The following L1CAM variants were observed in gnomAD, a reference collection of about 807,000 sequenced individuals.
L1CAM encodes the protein L1 cell adhesion molecule.
Under a neutral mutation model 93.0 loss-of-function variants are expected in L1CAM, and 8 were observed. The ratio of observed to expected loss-of-function variants is 0.09; its 90% CI spans 0.05 to 0.16. The LOEUF (loss-of-function observed/expected upper bound fraction) is 0.16. L1CAM is among the 10% of genes least tolerant of loss of function. The probability of loss-of-function intolerance (pLI) is 1.00; values close to 1 mark genes in which losing one functional copy is unlikely to be tolerated. For synonymous variants in L1CAM, 453 were observed against 453.0 expected (o/e 1.00, Z 0.00); for missense variants, 777 against 1,073.4 (o/e 0.72, Z 3.86).
rs1292605840 is a variant in L1CAM at position 153,869,288 on chromosome X, T to C, written c.1267+232A>G. The stretch of plus-strand genomic sequence containing the variant: ...CTGGGCTGGCCTTGGTCACATCCTG[T>C]GGCACAGCGGTCCGCTCAGTCACAG... On this transcript the variant is annotated intron_variant, in intron 11 of 28. Coordinates refer to ENST00000370060, the MANE Select transcript of L1CAM (RefSeq NM_001278116.2). The C allele has an allele frequency of 3.2e-5, 15 of 472,262 alleles. No homozygotes were observed. In the Admixed American group the frequency reaches 4.7e-4, roughly 15 times the overall value. 38.9% of individuals were successfully genotyped at this position (472,262 alleles called of 1,213,427 possible).
chrX:153,865,540 AC>A, intron 20 of L1CAM, 40 bp from the exon 21 acceptor site: 1 of 1,147,305 alleles, frequency 8.7e-7, no homozygotes, highest in Non-Finnish European at 1.2e-6. Flanking sequence ...GGCAGAAGGC[AC>A]CCAGCAGGGC....
At chrX:153,878,897 C>T (rs2064829346) in intron 1 of L1CAM, among the ~76,000 whole-genome samples, 1 of 110,755 alleles carries the variant, frequency 9.0e-6, no homozygotes, top group Non-Finnish European at 1.9e-5. Flanking sequence ...AGGCTCATAT[C>T]CAACTTCTTT....
In L1CAM at chrX:153,869,990, C is replaced by G. The variant is rs59055185; in HGVS notation, c.992-56G>C. ...CGCAGCCAGCAGCTGGCTCTTGACC[C>G]GGCGCAGACCCTCCCCTCCCCCATG... On this transcript the variant is annotated intron_variant, in intron 9 of 28. Transcript: ENST00000370060. The G allele has an allele frequency of 5.1e-4, 613 of 1,207,566 alleles. 2 individuals are homozygous for G. In the African/African-American group the frequency reaches 0.01, roughly 20 times the overall value.
At chrX:153,870,026 T>C in intron 9 of L1CAM, 30 bp downstream of exon 9, 1 of 1,208,674 alleles carries the variant, frequency 8.3e-7, no homozygotes, top group Non-Finnish European at 1.1e-6. Context: ...ACAGTGGGCA[T>C]CACAGGCCAC....
Position 153,875,771 on chromosome X carries a change from G to A in L1CAM, c.66C>T (p.Ile22=), listed in dbSNP as rs1557094388. 2 of 1,210,306 alleles carry A rather than the reference G, an allele frequency of 1.7e-6. No individual in the cohort carries two copies. Among genetic ancestry groups the A allele is most frequent in the South Asian group, 1.8e-5 (1 of 56,975 alleles). ...LLCSPCLLIQ[I]PEEYEGHHVM... ...CCTTCAGCTACTCACATTCCTCGGG[G>A]ATCTGGATAAGCAGGCAGGGGCTGC... The change falls in exon 2 of 29, where the codon ATC becomes ATT. Residue 22 remains isoleucine (I), a synonymous_variant. Coordinates refer to ENST00000370060, the MANE Select transcript of L1CAM (RefSeq NM_001278116.2).
intron 1 of L1CAM, among the ~76,000 whole-genome samples, chrX:153,882,189 A>G (rs1557095816): frequency 8.9e-6 from 1 of 111,959 alleles, no homozygotes; most frequent in Non-Finnish European, 1.9e-5. Context: ...AGGGGGACAC[A>G]GGAAGCCCGG....
At chrX:153,885,143 G>A (rs1330374968) in intron 1 of L1CAM, among the ~76,000 whole-genome samples, 14 of 113,181 alleles carry the variant, frequency 1.2e-4, no homozygotes, top group African/African-American at 3.8e-4. Flanking sequence ...ACCTGGAATG[G>A]AGGGAATAGG....
chrX:153,863,767 C>T (rs782631703), intron 26 of L1CAM, 116 bp downstream of exon 26: 21 of 1,053,563 alleles, frequency 2.0e-5, no homozygotes, highest in Non-Finnish European at 2.8e-5. Flanking sequence ...CCACCATGCG[C>T]CTGTCATCTT....
intron 25 of L1CAM, 33 bp from the exon 26 acceptor site, chrX:153,864,050 G>A (rs782710709): frequency 5.0e-6 from 6 of 1,208,598 alleles, no homozygotes; most frequent in East Asian, 5.9e-5. Flanking sequence ...CCGTGCTGCC[G>A]CCCAAGCCAG....
At chrX:153,867,583 A>G in intron 16 of L1CAM, 30 bp from the exon 17 acceptor site, 1 of 1,171,461 alleles carries the variant, frequency 8.5e-7, no homozygotes, top group South Asian at 1.8e-5. Context: ...CAATGGAGTG[A>G]TCAGCATGTG....
intron 1 of L1CAM, among the ~76,000 whole-genome samples, chrX:153,881,325 G>T (rs2064843928): frequency 8.9e-6 from 1 of 111,851 alleles, no homozygotes; most frequent in African/African-American, 3.3e-5. Context: ...GGGCGTGGTG[G>T]CTCCCTAAGC....
intron 1 of L1CAM, among the ~76,000 whole-genome samples, chrX:153,885,112 C>T (rs1442189315): frequency 7.1e-5 from 8 of 112,732 alleles, no homozygotes; most frequent in African/African-American, 2.6e-4. Flanking sequence ...TCCCTGCCAA[C>T]CAAGAGGCCC....
At chrX:153,885,925 G>A in intron 1 of L1CAM, 140 bp downstream of exon 1, 1 of 818,366 alleles carries the variant, frequency 1.2e-6, no homozygotes, top group Non-Finnish European at 1.5e-6. Context: ...GCATGGGTGG[G>A]GCTCCGGCAG....
At chrX:153,863,208 G>T (rs1408595786) in intron 28 of L1CAM, among the ~76,000 whole-genome samples, 160 bp downstream of exon 28, 2 of 111,810 alleles carry the variant, frequency 1.8e-5, no homozygotes, top group Non-Finnish European at 3.8e-5. Flanking sequence ...AGGGGCTGGG[G>T]CGTGTTGGCC....
At chrX:153,879,120 C>G (rs1197685373) in intron 1 of L1CAM, among the ~76,000 whole-genome samples, 2 of 111,263 alleles carry the variant, frequency 1.8e-5, no homozygotes, top group Non-Finnish European at 3.8e-5. Flanking sequence ...CTCTACCCCC[C>G]ACCAGCACCA....
At position 153,871,143 on chromosome X, in the gene L1CAM, A is replaced by T; in HGVS notation, c.437T>A (p.Val146Glu). ...CACTGACTCCCCTTCCTCCACCTCC[A>T]CGGGCTTCACTGTCTCCTTTGGCCA... ...PKWPKETVKP[V>E]EVEEGESVVL... The change falls in exon 6 of 29, where the codon GTG (valine) becomes GAG (glutamate). Residue 146 changes from valine (V) to glutamate (E), a missense_variant. Coordinates refer to ENST00000370060, the MANE Select transcript of L1CAM (RefSeq NM_001278116.2). 8.3e-7 allele frequency: 1 copy of T among 1,208,310 alleles called. No individual in the cohort carries two copies. The highest frequency in any genetic ancestry group is 3.0e-5 in the East Asian group (1 of 33,753).
chrX:153,883,515 CA>C (rs1484734182), intron 1 of L1CAM, among the ~76,000 whole-genome samples: 1 of 112,303 alleles, frequency 8.9e-6, no homozygotes, highest in African/African-American at 3.2e-5. Flanking sequence ...ACTGCAGGGG[CA>C]GGGATGCTGC....
chrX:153,866,639 G>C lies in L1CAM; in HGVS notation c.2431+10C>G. ...TCAACCGTGGGCGAGGGGCCCTGCC[G>C]GATACTCACAGTCCTCTCCAGAGTA... On this transcript the variant is annotated intron_variant, in intron 19 of 28. Coordinates refer to ENST00000370060, the MANE Select transcript of L1CAM (RefSeq NM_001278116.2). 1.7e-6 allele frequency: 2 copies of C among 1,194,630 alleles called. No homozygotes were observed. The highest frequency in any genetic ancestry group is 1.1e-6 in the Non-Finnish European group (1 of 880,452).
intron 2 of L1CAM, 194 bp downstream of exon 2, chrX:153,875,567 G>A (rs112639341): frequency 3.9e-6 from 2 of 516,366 alleles, no homozygotes; most frequent in African/African-American, 2.3e-5. Flanking sequence ...GTCCTGACAC[G>A]CCCCGCACCT....
Sources: gnomAD v4.1 joint callset for allele counts (sites outside exome capture counted in the v4.1 genomes callset) on GRCh38, gnomAD v4.1.1 for gene constraint, MANE v1.5 for transcripts, NCBI Gene and HGNC (gene_info 2026-07-23, HGNC 2026-07-21) for gene names.